Variants in OGDH observed in about 807,000 individuals in gnomAD.
OGDH encodes the protein oxoglutarate dehydrogenase.
A neutral mutation model predicts 116.6 loss-of-function variants in OGDH; 38 were observed. That is an observed-to-expected ratio of 0.33 (90% CI 0.25 to 0.43). OGDH has a LOEUF of 0.43. Among genes scored for constraint, OGDH ranks in the 20% least tolerant of loss-of-function variants. The probability of loss-of-function intolerance (pLI) is 1.00; values close to 1 mark genes in which losing one functional copy is unlikely to be tolerated. For missense variants in OGDH, 825 were observed against 1,357.2 expected, an observed-to-expected ratio of 0.61 and a Z score of 6.16; for synonymous variants, 488 against 533.3, an observed-to-expected ratio of 0.92 and a Z score of 1.17.
In OGDH at chr7:44,708,092, C is replaced by T. The variant is rs1789167513; in HGVS notation, c.*93C>T. ...AAGAATAGTGCCTCAGCGCTGCCCA[C>T]ACCACCGCCCTCCTCGCTGTGCCAC... On this transcript the variant is annotated 3_prime_UTR_variant, in exon 23 of 23. Coordinates refer to ENST00000222673, the MANE Select transcript of OGDH (RefSeq NM_002541.4). 4.7e-6 allele frequency: 7 copies of T among 1,484,542 alleles called. No individual in the cohort carries two copies. Among genetic ancestry groups the T allele is most frequent in the Non-Finnish European group, 3.6e-6 (4 of 1,105,692 alleles). 92.0% of individuals were successfully genotyped at this position (1,484,542 alleles called of 1,614,324 possible). A position where few individuals can be genotyped will look rare whatever the true frequency, so the allele number is the denominator to read the frequency against.
intron 2 of OGDH, among the ~76,000 whole-genome samples, chr7:44,633,402 G>A (rs1254920944): frequency 3.9e-5 from 6 of 152,138 alleles, no homozygotes; most frequent in Admixed American, 2.0e-4. Context: ...TTGTAAGTCA[G>A]AGGCAGGCTC....
chr7:44,607,124 G>A (rs1350326011), intron 1 of OGDH, among the ~76,000 whole-genome samples: 2 of 152,328 alleles, frequency 1.3e-5, no homozygotes, highest in Admixed American at 1.3e-4. Flanking sequence ...CGCTTTGTCC[G>A]AAAGACAGTG....
intron 2 of OGDH, among the ~76,000 whole-genome samples, chr7:44,625,794 T>C (rs1198157165): frequency 6.6e-6 from 1 of 152,010 alleles, no homozygotes; most frequent in Non-Finnish European, 1.5e-5. Context: ...CTTTAAGTAT[T>C]AGTGACACTT....
intron 10 of OGDH, among the ~76,000 whole-genome samples, chr7:44,689,208 CTTTTTTTT>C (rs367897508): frequency 2.0e-5 from 2 of 101,320 alleles, no homozygotes; most frequent in Non-Finnish European, 3.8e-5. Context: ...ATCAGGGTTC[CTTTTTTTT>C]TTTTTTTTTT....
intron 1 of OGDH, among the ~76,000 whole-genome samples, chr7:44,608,942 T>C (rs985470969): frequency 1.3e-5 from 2 of 152,156 alleles, no homozygotes; most frequent in Non-Finnish European, 2.9e-5. Context: ...ATAGTAAATA[T>C]CACAGCCAGA....
chr7:44,686,315 G>A (rs1454313949), intron 10 of OGDH, among the ~76,000 whole-genome samples: 2 of 152,142 alleles, frequency 1.3e-5, no homozygotes, highest in Non-Finnish European at 2.9e-5. Context: ...CCATGGCTAG[G>A]GGAGTTCCCT....
chr7:44,616,946 TTTCGG>T (rs1415882086), intron 1 of OGDH, among the ~76,000 whole-genome samples: 62 of 126,442 alleles, frequency 4.9e-4, no homozygotes, highest in Non-Finnish European at 9.5e-4. Context: ...GCGAGACTCC[TTTCGG>T]AGCTCTGGAG....
intron 10 of OGDH, among the ~76,000 whole-genome samples, chr7:44,683,719 T>C (rs1038026189): frequency 1.3e-5 from 2 of 152,246 alleles, no homozygotes; most frequent in African/African-American, 4.8e-5. Context: ...TTTCATAAAA[T>C]GGACTCTTAG....
At chr7:44,681,869 G>A in intron 10 of OGDH, 21 bp downstream of exon 10, 1 of 1,613,762 alleles carries the variant, frequency 6.2e-7, no homozygotes, top group Non-Finnish European at 8.5e-7. Context: ...CCAGCCTGCG[G>A]CTTTGCTGCT....
At position 44,697,872 on chromosome 7, in the gene OGDH, G is replaced by A. The variant is rs1788654951; in HGVS notation, c.2358+90G>A. The A allele has an allele frequency of 1.4e-6, 2 of 1,410,456 alleles. No individual in the cohort carries two copies. The highest frequency in any genetic ancestry group is 1.4e-5 in the African/African-American group (1 of 69,722). 87.4% of individuals were successfully genotyped at this position (1,410,456 alleles called of 1,614,324 possible). On this transcript the variant is annotated intron_variant, in intron 17 of 22. Transcript: ENST00000222673. The surrounding 1 kb of genome is among the most constrained non-coding windows in gnomAD (Gnocchi z 6.0). ...CCAAAGACTGGCACGAGAGCCAGTG[G>A]CTCACACCAGCCTCCTAAGGACTCT... is the stretch of plus-strand genomic sequence containing the variant.
chr7:44,672,578 G>A (rs928438670), intron 5 of OGDH, among the ~76,000 whole-genome samples: 2 of 151,866 alleles, frequency 1.3e-5, no homozygotes, highest in Admixed American at 6.6e-5. Flanking sequence ...TGTGCAGGTC[G>A]AGTTTTGGGC....
At position 44,640,804 on chromosome 7, in the gene OGDH, C is replaced by G. The variant is rs540691355; in HGVS notation, c.223-4523C>G. 1.2e-4 allele frequency among the ~76,000 whole-genome samples: 19 copies of G among 152,188 alleles called. No homozygotes were observed. In the South Asian group the frequency reaches 3.7e-3, roughly 30 times the overall value. On this transcript the variant is annotated intron_variant, in intron 2 of 22. Transcript: ENST00000222673. Reference sequence around the variant, plus strand: ...AACTAAGTAAGTGTCTACAGCTAGACTTGGGGTGCGGGTCACATGGTGTGA... The same window carrying G: ...AACTAAGTAAGTGTCTACAGCTAGAGTTGGGGTGCGGGTCACATGGTGTGA...
At chr7:44,627,979 A>G (rs946928447) in intron 2 of OGDH, among the ~76,000 whole-genome samples, 2 of 152,088 alleles carry the variant, frequency 1.3e-5, no homozygotes, top group African/African-American at 4.8e-5. Context: ...ACCCAGCCCC[A>G]TTGTTATTTT....
chr7:44,705,588 A>T (rs1293612098), intron 20 of OGDH, among the ~76,000 whole-genome samples: 1 of 152,132 alleles, frequency 6.6e-6, no homozygotes, highest in African/African-American at 2.4e-5. Context: ...TCACTCTGTC[A>T]TCCAGGCTGA....
chr7:44,655,921 A>G (rs923681917), intron 4 of OGDH, among the ~76,000 whole-genome samples: 1 of 152,200 alleles, frequency 6.6e-6, no homozygotes, highest in Non-Finnish European at 1.5e-5. Flanking sequence ...TCTAAAAATT[A>G]GGCTTTTTCA....
At chr7:44,647,439 T>A in intron 3 of OGDH, 2 of 1,536,112 alleles carry the variant, frequency 1.3e-6, no homozygotes, top group Non-Finnish European at 1.7e-6. Context: ...TGTTATTGCT[T>A]CCAGGTCAGG....
At position 44,705,209 on chromosome 7, in the gene OGDH, C is replaced by A. The variant is rs376034133; in HGVS notation, c.2633-2016C>A. ...CTGGGACTACAGGCGCCCGCCACTA[C>A]GCCCAGCTAATTTTTTGTATTTTTA... On this transcript the variant is annotated intron_variant, in intron 20 of 22. Coordinates refer to ENST00000222673, the MANE Select transcript of OGDH (RefSeq NM_002541.4). 1.6e-3 allele frequency among the ~76,000 whole-genome samples: 231 copies of A among 145,942 alleles called. 1 individual carries two copies. The highest frequency in any genetic ancestry group is 2.4e-3 in the Non-Finnish European group (164 of 67,174).
At chr7:44,625,339 G>A (rs553147993) in intron 2 of OGDH, among the ~76,000 whole-genome samples, 8 of 152,110 alleles carry the variant, frequency 5.3e-5, no homozygotes, top group Non-Finnish European at 1.2e-4. Context: ...TGGCCAGGCT[G>A]GTCTTGAACC....
intron 4 of OGDH, among the ~76,000 whole-genome samples, chr7:44,666,168 C>T (rs1318988072): frequency 1.3e-5 from 2 of 152,182 alleles, no homozygotes; most frequent in Non-Finnish European, 2.9e-5. Flanking sequence ...TGCTGTGCTG[C>T]CCTGTGGTGC....
Sources: gnomAD v4.1 joint callset for allele counts (sites outside exome capture counted in the v4.1 genomes callset) on GRCh38, gnomAD v4.1.1 for gene constraint, Gnocchi (gnomAD v3.1) non-coding constraint, MANE v1.5 for transcripts, NCBI Gene and HGNC (gene_info 2026-07-23, HGNC 2026-07-21) for gene names.